SASH1: variants seen among roughly 807,000 people sequenced by gnomAD.
SASH1 encodes SAM and SH3 domain containing 1.
SASH1 carries 44 observed loss-of-function variants against 125.2 expected under a neutral mutation model. The observed-to-expected ratio is 0.35, with a 90% CI of 0.28 to 0.45. The LOEUF is 0.45. SASH1 is among the 20% of genes least tolerant of loss of function. The pLI is 1.00. For missense variants in SASH1, 1,426 were observed against 1,614.5 expected (o/e 0.88, Z 2.00); for synonymous variants, 639 against 649.1 (o/e 0.98, Z 0.24).
chr6:148,317,206 G>A (rs1375635767), intron 1 of SASH1, among the ~76,000 whole-genome samples: 1 of 152,184 alleles, frequency 6.6e-6, no homozygotes, highest in Non-Finnish European at 1.5e-5. Flanking sequence ...ACTTCTCTTG[G>A]ATGAAGACAA....
chr6:148,542,879 T>TGTGC (rs1491203431), intron 17 of SASH1, among the ~76,000 whole-genome samples: 1,727 of 138,874 alleles, frequency 0.012, 42 homozygotes, highest in African/African-American at 0.043. Flanking sequence ...TGTGTGTGTG[T>TGTGC]GCGCGCGCAC....
intron 9 of SASH1, 135 bp downstream of exon 9, chr6:148,514,591 T>C: frequency 8.9e-7 from 1 of 1,128,092 alleles, no homozygotes; most frequent in Non-Finnish European, 1.2e-6. Flanking sequence ...TCTGGCTGAA[T>C]CTGGCAGGAC....
chr6:148,451,224 A>G (rs6940972), intron 4 of SASH1, among the ~76,000 whole-genome samples: 80,755 of 152,086 alleles, frequency 0.53, 21,862 homozygotes, highest in Non-Finnish European at 0.6. Flanking sequence ...AGTTATTTGA[A>G]ATAGGGCTAC....
intron 1 of SASH1, among the ~76,000 whole-genome samples, chr6:148,384,662 C>T (rs1003804417): frequency 6.6e-6 from 1 of 152,180 alleles, no homozygotes; most frequent in African/African-American, 2.4e-5. Flanking sequence ...AGGTCTGTAG[C>T]TATCTCAAGG....
intron 1 of SASH1, among the ~76,000 whole-genome samples, chr6:148,382,061 G>A (rs943382637): frequency 6.6e-6 from 1 of 152,190 alleles, no homozygotes; most frequent in East Asian, 1.9e-4. Context: ...TATGGTTCTG[G>A]GTTAGCGACC....
the SASH1 span, among the ~76,000 whole-genome samples, chr6:148,210,304 G>A: frequency 6.6e-6 from 1 of 152,304 alleles, no homozygotes; most frequent in Non-Finnish European, 1.5e-5. Context: ...AAGGTAGGCG[G>A]ATTACCTGAG....
chr6:148,521,458 TA>T (rs1428153240), intron 10 of SASH1, among the ~76,000 whole-genome samples: 1 of 152,262 alleles, frequency 6.6e-6, no homozygotes, highest in Non-Finnish European at 1.5e-5. Context: ...ATGCCATTCT[TA>T]AAACGACCTT....
At chr6:148,305,515 C>T (rs1469627070) in intron 1 of SASH1, among the ~76,000 whole-genome samples, 2 of 150,882 alleles carry the variant, frequency 1.3e-5, no homozygotes, top group African/African-American at 2.4e-5. Context: ...CCCAGCTACT[C>T]GAGAGGCTGA....
chr6:148,494,588 C>G lies in SASH1; in HGVS notation c.729+6873C>G, dbSNP rs148673482. Reference sequence around the variant, plus strand: ...GTTGCAGTGAGCCGAGATCACGCCACTGCTCTCCAGCCTGGCGACAGAACA... The same window carrying G: ...GTTGCAGTGAGCCGAGATCACGCCAGTGCTCTCCAGCCTGGCGACAGAACA... On this transcript the variant is annotated intron_variant, in intron 8 of 19. Transcript: ENST00000367467. 4.8e-3 allele frequency among the ~76,000 whole-genome samples: 727 copies of G among 152,222 alleles called. 12 individuals carry two copies. The highest frequency in any genetic ancestry group is 0.017 in the African/African-American group (697 of 41,536).
intron 6 of SASH1, among the ~76,000 whole-genome samples, chr6:148,472,532 C>G (rs1312056315): frequency 6.6e-6 from 1 of 151,878 alleles, no homozygotes; most frequent in African/African-American, 2.4e-5. Flanking sequence ...AGTTTACCAG[C>G]TAATGTGGAT....
intron 1 of SASH1, among the ~76,000 whole-genome samples, chr6:148,293,066 A>T (rs1779675195): frequency 6.6e-6 from 1 of 152,098 alleles, no homozygotes; most frequent in South Asian, 2.1e-4. Context: ...AAAAAAAAAA[A>T]AGGTCTATGT....
At chr6:148,285,667 A>T (rs73005666) in intron 1 of SASH1, among the ~76,000 whole-genome samples, 9,784 of 152,184 alleles carry the variant, frequency 0.064, 351 homozygotes, top group Middle Eastern at 0.15. Context: ...CCAGTAGAAG[A>T]TGTTTCTCCC....
chr6:148,480,569 G>A (rs2115171478), intron 7 of SASH1: 1 of 152,354 alleles, frequency 6.6e-6, no homozygotes, highest in East Asian at 1.9e-4. Flanking sequence ...CAGGAGAGAA[G>A]ATGGTCTTGG....
chr6:148,465,465 A>AC lies in SASH1; in HGVS notation c.387-3078dup, dbSNP rs1583204315. Among the ~76,000 whole-genome samples, 3 of 151,274 alleles carry AC rather than the reference A, an allele frequency of 2.0e-5. No homozygotes were observed. In the East Asian group the frequency reaches 5.8e-4, roughly 29 times the overall value. On this transcript the variant is annotated intron_variant, in intron 4 of 19. Coordinates refer to ENST00000367467, the MANE Select transcript of SASH1 (RefSeq NM_015278.5). ...AGGCTGAGGCAGGAGAATCGCATGA[A>AC]CCTGGGGGTGGAGGTTGCAGTGAGC...
chr6:148,384,159 CAG>C (rs531380778), intron 1 of SASH1, among the ~76,000 whole-genome samples: 220 of 152,208 alleles, frequency 1.4e-3, no homozygotes, highest in African/African-American at 5.2e-3. Context: ...TTTTCAAAGA[CAG>C]GGGTGGGAAA....
At chr6:148,241,082 G>A in the SASH1 span, among the ~76,000 whole-genome samples, 1 of 151,326 alleles carries the variant, frequency 6.6e-6, no homozygotes, top group Admixed American at 6.6e-5. Flanking sequence ...AATATTTAAA[G>A]GCCATCAAGG....
At chr6:148,373,447 T>C (rs188060184) in intron 1 of SASH1, among the ~76,000 whole-genome samples, 44 of 151,978 alleles carry the variant, frequency 2.9e-4, no homozygotes, top group African/African-American at 1.1e-3. Flanking sequence ...GAGGCACACA[T>C]TGAAGCAGGA....
intron 1 of SASH1, among the ~76,000 whole-genome samples, chr6:148,343,813 C>T (rs927765525): frequency 1.3e-5 from 2 of 152,290 alleles, no homozygotes; most frequent in Non-Finnish European, 2.9e-5. Context: ...CTGGATTTGG[C>T]ATAGTCTCTG....
At chr6:148,508,673 T>G in intron 8 of SASH1, 1 of 1,172,028 alleles carries the variant, frequency 8.5e-7, no homozygotes, top group Non-Finnish European at 1.1e-6. Context: ...GTCTTCCCCT[T>G]TCTCCTTCGG....
Sources: allele counts gnomAD v4.1 joint callset (sites outside exome capture counted in the v4.1 genomes callset), GRCh38; gene constraint gnomAD v4.1.1; transcripts MANE v1.5; gene names NCBI Gene and HGNC (gene_info 2026-07-23, HGNC 2026-07-21).